ATXN3: variants seen among roughly 807,000 people sequenced by gnomAD.
The protein encoded by ATXN3 is ataxin-3.
A neutral mutation model predicts 58.2 loss-of-function variants in ATXN3; 28 were observed. The observed-to-expected ratio is 0.48, with a 90% CI of 0.36 to 0.66. ATXN3 has a LOEUF of 0.66. Among genes scored for constraint, ATXN3 ranks in the 30% least tolerant of loss-of-function variants. ATXN3 has a pLI of 0.00. For synonymous variants in ATXN3, 113 were observed against 138.5 expected, an observed-to-expected ratio of 0.82 and a Z score of 1.29; for missense variants, 321 against 422.1, an observed-to-expected ratio of 0.76 and a Z score of 2.10.
intron 9 of ATXN3, 192 bp from the exon 10 acceptor site, chr14:92,071,245 T>C (rs1488990598): frequency 8.5e-6 from 8 of 935,844 alleles, no homozygotes; most frequent in Middle Eastern, 2.2e-4. Flanking sequence ...TTAGGAAATC[T>C]AGACATAAAA....
intron 5 of ATXN3, among the ~76,000 whole-genome samples, chr14:92,089,026 T>C (rs2063180707): frequency 6.6e-6 from 1 of 151,988 alleles, no homozygotes; most frequent in South Asian, 2.1e-4. Context: ...AAATACTTTT[T>C]TTTTTTTTTG....
intron 10 of ATXN3, among the ~76,000 whole-genome samples, chr14:92,066,774 AT>A (rs144833998): frequency 4.8e-4 from 67 of 140,486 alleles, no homozygotes; most frequent in Admixed American, 8.6e-4. Context: ...AGCCTGGATA[AT>A]TTTTTTTTTT....
At chr14:92,086,844 T>C (rs1422106964) in intron 6 of ATXN3, among the ~76,000 whole-genome samples, 1 of 151,526 alleles carries the variant, frequency 6.6e-6, no homozygotes, top group African/African-American at 2.4e-5. Flanking sequence ...ACTGATTATA[T>C]AAGAGAGTGG....
chr14:92,065,813 A>G (rs919806631), intron 10 of ATXN3, among the ~76,000 whole-genome samples: 4 of 152,186 alleles, frequency 2.6e-5, no homozygotes, highest in Non-Finnish European at 5.9e-5. Context: ...CCCGGGAGGC[A>G]GAGGTTGCAG....
rs1239087472 is a variant in ATXN3 at position 92,060,274 on chromosome 14, T to A, written c.*4046A>T. The A allele has an allele frequency of 2.1e-5, 3 of 144,400 alleles. No homozygotes were observed. The highest frequency in any genetic ancestry group is 4.0e-4 in the East Asian group (2 of 5,052). The allele number at this position is 144,400 out of a possible 1,614,324, so 8.9% of individuals were successfully genotyped here. ...CATATATATATATATATATATATTT[T>A]TTTTTTTCAGAAACAGTGTCTCACT... is the stretch of plus-strand genomic sequence containing the variant. On this transcript the variant is annotated 3_prime_UTR_variant, in exon 11 of 11. Coordinates refer to ENST00000644486, the MANE Select transcript of ATXN3 (RefSeq NM_004993.6).
rs964988620 is a variant in ATXN3, at chr14:92,060,600, T to C, written c.*3720A>G. ...TAACTATTGAATCCTCGTAAGAATT[T>C]AAAACATCAAGATTTATTTTTCTAC... On this transcript the variant is annotated 3_prime_UTR_variant, in exon 11 of 11. Transcript: ENST00000644486. 1 of 152,012 alleles carries C rather than the reference T, an allele frequency of 6.6e-6. No homozygotes were observed. The highest frequency in any genetic ancestry group is 1.5e-5 in the Non-Finnish European group (1 of 68,000). 9.4% of individuals were successfully genotyped at this position (152,012 alleles called of 1,614,324 possible). A position where few individuals can be genotyped will look rare whatever the true frequency, so the allele number is the denominator to read the frequency against.
At chr14:92,054,848 T>C (rs550534459), downstream of ATXN3, among the ~76,000 whole-genome samples, 5 of 151,876 alleles carry the variant, frequency 3.3e-5, no homozygotes, top group Non-Finnish European at 7.4e-5. Flanking sequence ...AAAAAACCCA[T>C]AGCATGTAAA....
chr14:92,071,363 A>G lies in ATXN3; in HGVS notation c.873-310T>C. ...GTAATCCCAGCACTTTGGGAGGCCG[A>G]GGCGGGTGGATGGCTTGAGGTCAGA... On this transcript the variant is annotated intron_variant, in intron 9 of 10. Coordinates refer to ENST00000644486, the MANE Select transcript of ATXN3 (RefSeq NM_004993.6). 1.1e-5 allele frequency: 5 copies of G among 442,564 alleles called. 1 individual carries two copies. The highest frequency in any genetic ancestry group is 9.5e-5 in the South Asian group (5 of 52,762). The allele number at this position is 442,564 out of a possible 1,614,324, so 27.4% of individuals were successfully genotyped here. A position where few individuals can be genotyped will look rare whatever the true frequency, so the allele number is the denominator to read the frequency against.
intron 9 of ATXN3, among the ~76,000 whole-genome samples, chr14:92,077,777 T>C (rs2060681996): frequency 1.3e-5 from 2 of 152,014 alleles, no homozygotes; most frequent in African/African-American, 2.4e-5. Context: ...CCAAAGTAGC[T>C]GTGATTACAG....
At chr14:92,068,687 A>G (rs940556451) in intron 10 of ATXN3, among the ~76,000 whole-genome samples, 4 of 151,612 alleles carry the variant, frequency 2.6e-5, no homozygotes, top group Non-Finnish European at 4.4e-5. Context: ...GCTTCCCGGG[A>G]TCAAGCAATT....
At position 92,062,858 on chromosome 14, in the gene ATXN3, G is replaced by A. The variant is rs529036679; in HGVS notation, c.*1462C>T. 1.3e-5 allele frequency: 2 copies of A among 152,650 alleles called. No individual in the cohort carries two copies. The highest frequency in any genetic ancestry group is 6.5e-5 in the Admixed American group (1 of 15,278). The allele number at this position is 152,650 out of a possible 1,614,324, so 9.5% of individuals were successfully genotyped here. A position where few individuals can be genotyped will look rare whatever the true frequency, so the allele number is the denominator to read the frequency against. ...TAAAATGTGTGCAGCCACACACCAG[G>A]AGGGCAATATACCATATTATAATTT... On this transcript the variant is annotated 3_prime_UTR_variant, in exon 11 of 11. Transcript: ENST00000644486.
chr14:92,084,573 A>AC (rs1436390106), intron 6 of ATXN3, among the ~76,000 whole-genome samples: 7 of 115,466 alleles, frequency 6.1e-5, no homozygotes, highest in African/African-American at 2.7e-4. Flanking sequence ...CTCTATCATT[A>AC]ATTTTTTTTT....
intron 5 of ATXN3, 152 bp downstream of exon 5, chr14:92,093,100 T>G (rs1334143748): frequency 2.6e-6 from 1 of 386,396 alleles, no homozygotes; most frequent in Non-Finnish European, 4.8e-6. Flanking sequence ...CTCCCTTTGT[T>G]GCCCAGGCTG....
At chr14:92,073,485 C>G (rs1342903101) in intron 9 of ATXN3, 1 of 152,256 alleles carries the variant, frequency 6.6e-6, no homozygotes, top group Non-Finnish European at 1.5e-5. Context: ...GCAGGCGGAT[C>G]ACCTGAGGTG....
chr14:92,088,202 C>G (rs7154952), intron 6 of ATXN3, among the ~76,000 whole-genome samples: 42,924 of 151,710 alleles, frequency 0.28, 6,413 homozygotes, highest in East Asian at 0.44. Context: ...CCGAGTAGCT[C>G]GGACTACAGG....
At chr14:92,106,484 C>T (rs762429807) in intron 1 of ATXN3, 45 bp downstream of exon 1, 2 of 1,612,228 alleles carry the variant, frequency 1.2e-6, no homozygotes, top group Non-Finnish European at 1.7e-6. Flanking sequence ...GCTCCACGCC[C>T]GCCACCGCGC....
exon 1 of ATXN3, chr14:92,049,707 C>T (rs1350818287): frequency 6.2e-6 from 1 of 160,360 alleles, no homozygotes; most frequent in Non-Finnish European, 1.3e-5. Flanking sequence ...GGACCCGTCT[C>T]CTGAAGGAGT....
At chr14:92,098,386 G>A (rs747360445) in intron 1 of ATXN3, among the ~76,000 whole-genome samples, 8 of 152,088 alleles carry the variant, frequency 5.3e-5, no homozygotes, top group Non-Finnish European at 8.8e-5. Context: ...CTGGGAGTTC[G>A]AGACCAGCCT....
downstream of ATXN3, among the ~76,000 whole-genome samples, chr14:92,056,731 C>G (rs2140165910): frequency 6.6e-6 from 1 of 152,268 alleles, no homozygotes; most frequent in East Asian, 1.9e-4. Flanking sequence ...ATCTTCATCC[C>G]TCTGCAACCC....
Sources: gnomAD v4.1 joint callset for allele counts (sites outside exome capture counted in the v4.1 genomes callset) on GRCh38, gnomAD v4.1.1 for gene constraint, MANE v1.5 for transcripts, NCBI Gene and HGNC (gene_info 2026-07-23, HGNC 2026-07-21) for gene names.